The following CCDC149 variants were observed in gnomAD, a reference collection of about 807,000 sequenced individuals.
CCDC149 encodes the protein coiled-coil domain-containing protein 149.
CCDC149 carries 45 observed loss-of-function variants against 59.9 expected under a neutral mutation model. The observed-to-expected ratio is 0.75, with a 90% CI of 0.59 to 0.96. The LOEUF is 0.96. Ranked by LOEUF, CCDC149 falls within the 40% of genes least tolerant of loss-of-function variation. The pLI, the probability that CCDC149 is intolerant of heterozygous loss-of-function variation, is 0.00. For missense variants in CCDC149, 584 were observed against 664.7 expected, an observed-to-expected ratio of 0.88 and a Z score of 1.33; for synonymous variants, 245 against 260.6, an observed-to-expected ratio of 0.94 and a Z score of 0.58.
At position 24,893,613 on chromosome 4, in the gene CCDC149, C is replaced by CTTTTTTTTTTTTTTTTTTTTTTTTT. The variant is rs3066508; in HGVS notation, c.64-16917_64-16916insAAAAAAAAAAAAAAAAAAAAAAAAA. 7.6e-4 allele frequency among the ~76,000 whole-genome samples: 50 copies of CTTTTTTTTTTTTTTTTTTTTTTTTT among 65,878 alleles called. 15 individuals are homozygous for CTTTTTTTTTTTTTTTTTTTTTTTTT. Among genetic ancestry groups the CTTTTTTTTTTTTTTTTTTTTTTTTT allele is most frequent in the East Asian group, 1.8e-3 (3 of 1,700 alleles). 43.2% of individuals were successfully genotyped at this position (65,878 alleles called of 152,430 possible). On this transcript the variant is annotated intron_variant, in intron 1 of 12. Coordinates refer to ENST00000635206, the MANE Select transcript of CCDC149 (RefSeq NM_001330643.2). The stretch of plus-strand genomic sequence containing the variant: ...CTTCTAGCACAATCTAAAATACAGA[C>CTTTTTTTTTTTTTTTTTTTTTTTTT]TTTTTTTTTTTTTTTTTTTTTGAGA...
At chr4:24,970,098 C>T (rs1560273227) in intron 1 of CCDC149, among the ~76,000 whole-genome samples, 2 of 152,134 alleles carry the variant, frequency 1.3e-5, no homozygotes, top group African/African-American at 4.8e-5. Context: ...GCACTGTTAT[C>T]CAGGGATGAA....
At chr4:24,965,983 A>G (rs1034350825) in intron 1 of CCDC149, among the ~76,000 whole-genome samples, 11 of 152,202 alleles carry the variant, frequency 7.2e-5, no homozygotes, top group African/African-American at 2.4e-4. Flanking sequence ...TACTGTACAT[A>G]TGGCTCAATT....
intron 1 of CCDC149, among the ~76,000 whole-genome samples, chr4:24,905,733 G>C (rs1289378541): frequency 6.6e-6 from 1 of 152,200 alleles, no homozygotes; most frequent in Non-Finnish European, 1.5e-5. Flanking sequence ...ATGGTGCCCA[G>C]CCTACTCTTA....
At chr4:24,840,668 G>C (rs551015548) in intron 4 of CCDC149, among the ~76,000 whole-genome samples, 1 of 152,168 alleles carries the variant, frequency 6.6e-6, no homozygotes, top group Admixed American at 6.5e-5. Flanking sequence ...CCCACGCATA[G>C]TGCCAAAGTG....
rs1307377622 is a variant in CCDC149 at position 24,857,812 on chromosome 4, G to C, written c.265-4633C>G. Reference sequence around the variant, plus strand: ...TAAATCTACCCCAGCTTTAAACTTGGCCCCTGGAGTACAGTGGGGTGGGGG... The same window carrying C: ...TAAATCTACCCCAGCTTTAAACTTGCCCCCTGGAGTACAGTGGGGTGGGGG... On this transcript the variant is annotated intron_variant, in intron 3 of 12. Transcript: ENST00000635206. Among the ~76,000 whole-genome samples, 4 of 152,220 alleles carry C rather than the reference G, an allele frequency of 2.6e-5. No individual in the cohort carries two copies. The East Asian group carries it at 7.7e-4, about 29-fold the overall frequency.
chr4:24,904,043 G>T (rs373141655), intron 1 of CCDC149, among the ~76,000 whole-genome samples: 13 of 151,866 alleles, frequency 8.6e-5, no homozygotes, highest in Non-Finnish European at 1.8e-4. Flanking sequence ...CAGGTGATCC[G>T]CCCGCCTCAG....
chr4:24,817,121 CA>C (rs1400669599), intron 12 of CCDC149, among the ~76,000 whole-genome samples: 4 of 152,200 alleles, frequency 2.6e-5, no homozygotes, highest in Admixed American at 6.5e-5. Context: ...CCACGACTTA[CA>C]ACGCCCTTGT....
chr4:24,817,969 T>C (rs1715124264), intron 12 of CCDC149, among the ~76,000 whole-genome samples: 1 of 152,106 alleles, frequency 6.6e-6, no homozygotes, highest in African/African-American at 2.4e-5. Context: ...TTTGGATTTT[T>C]GAGCATGGCA....
chr4:24,835,646 T>C (rs148506813), intron 7 of CCDC149, among the ~76,000 whole-genome samples: 260 of 152,334 alleles, frequency 1.7e-3, no homozygotes, highest in African/African-American at 5.9e-3. Context: ...TTAAGAGCTA[T>C]ATCCTTCTTT....
rs191079849 is a variant in CCDC149 at position 24,819,861 on chromosome 4, T to A, written c.1190A>T (p.Asp397Val). The stretch of plus-strand genomic sequence containing the variant: ...TGGAGAAATCGAGGCGTGCTTACCA[T>A]CCTTGGGATCTGCTTTGTTCTCAGT... The change falls in exon 12 of 13, where the codon GAT becomes GTT. Residue 397 changes from aspartate (D) to valine (V), a missense_variant and splice_region_variant. Physicochemically the swap from Asp to Val is radical, Grantham distance 152 (BLOSUM62 -3). Coordinates refer to ENST00000635206, the MANE Select transcript of CCDC149 (RefSeq NM_001330643.2). The A allele has an allele frequency of 6.4e-7, 1 of 1,550,452 alleles. No individual in the cohort carries two copies. The highest frequency in any genetic ancestry group is 8.7e-7 in the Non-Finnish European group (1 of 1,145,972).
At chr4:24,913,982 G>A (rs1722042051), upstream of CCDC149, among the ~76,000 whole-genome samples, 2 of 152,164 alleles carry the variant, frequency 1.3e-5, no homozygotes, top group Non-Finnish European at 2.9e-5. Context: ...TCGCAGAAAC[G>A]CTGTGTGTGG....
intron 1 of CCDC149, among the ~76,000 whole-genome samples, chr4:24,946,233 A>G (rs568388493): frequency 1.8e-4 from 27 of 152,156 alleles, no homozygotes; most frequent in Non-Finnish European, 3.4e-4. Context: ...TCATGGTTCA[A>G]TTGCCTAGCC....
At chr4:24,971,343 G>A (rs1289647948) in intron 1 of CCDC149, among the ~76,000 whole-genome samples, 7 of 152,156 alleles carry the variant, frequency 4.6e-5, no homozygotes, top group African/African-American at 9.7e-5. Flanking sequence ...GGACGCCCTC[G>A]GCCTGGGAGG....
At chr4:24,886,374 G>T (rs955070494) in intron 1 of CCDC149, among the ~76,000 whole-genome samples, 1 of 152,220 alleles carries the variant, frequency 6.6e-6, no homozygotes, top group African/African-American at 2.4e-5. Context: ...TGACATTTCA[G>T]TCTGGACTCT....
chr4:24,945,624 C>CT (rs33977689), intron 1 of CCDC149, among the ~76,000 whole-genome samples: 39,148 of 141,694 alleles, frequency 0.28, 6,483 homozygotes, highest in African/African-American at 0.48. Flanking sequence ...TATGCCCTAA[C>CT]TTTTTTTTTT....
At position 24,809,046 on chromosome 4, in the gene CCDC149, G is replaced by A. The variant is rs142110382; in HGVS notation, c.1193-227C>T. ...TCCTGCATTATTAACAGAGGGCAAGGGAGCACTTGGGCCATGTCATAATCC... is the reference window on the plus strand; with the variant it reads ...TCCTGCATTATTAACAGAGGGCAAGAGAGCACTTGGGCCATGTCATAATCC... On this transcript the variant is annotated intron_variant, in intron 12 of 12. Coordinates refer to ENST00000635206, the MANE Select transcript of CCDC149 (RefSeq NM_001330643.2). Among the ~76,000 whole-genome samples the A allele has an allele frequency of 3.5e-3, 533 of 152,310 alleles. 7 individuals are homozygous for A. The highest frequency in any genetic ancestry group is 0.011 in the African/African-American group (453 of 41,556).
intron 1 of CCDC149, among the ~76,000 whole-genome samples, chr4:24,881,997 A>C (rs1481161927): frequency 6.6e-6 from 1 of 152,164 alleles, no homozygotes; most frequent in Non-Finnish European, 1.5e-5. Context: ...CCCCACCCCC[A>C]AAAATCAGAA....
chr4:24,840,841 T>G (rs2109151025), intron 4 of CCDC149, among the ~76,000 whole-genome samples: 1 of 152,320 alleles, frequency 6.6e-6, no homozygotes, highest in Non-Finnish European at 1.5e-5. Flanking sequence ...AAGGTGATGT[T>G]AAACAGAGAC....
intron 1 of CCDC149, among the ~76,000 whole-genome samples, chr4:24,941,647 T>A (rs1722957038): frequency 6.6e-6 from 1 of 151,974 alleles, no homozygotes; most frequent in Non-Finnish European, 1.5e-5. Context: ...GATAGGCCAC[T>A]AGCAAGACTA....
Sources: gnomAD v4.1 joint callset for allele counts (sites outside exome capture counted in the v4.1 genomes callset) on GRCh38, gnomAD v4.1.1 for gene constraint, MANE v1.5 for transcripts, NCBI Gene and HGNC (gene_info 2026-07-23, HGNC 2026-07-21) for gene names.